ZFYVE9: variants seen among roughly 807,000 people sequenced by gnomAD.
ZFYVE9 encodes the protein zinc finger FYVE domain-containing protein 9.
In ZFYVE9, 43 loss-of-function variants were observed where a neutral mutation model predicts 126.7. The ratio of observed to expected loss-of-function variants is 0.34; its 90% CI spans 0.27 to 0.44. ZFYVE9 has a LOEUF of 0.44. ZFYVE9 is among the 20% of genes least tolerant of loss of function. ZFYVE9 has a pLI of 1.00. For missense variants in ZFYVE9, 1,476 were observed against 1,697.0 expected (o/e 0.87, Z 2.29); for synonymous variants, 521 against 597.4 (o/e 0.87, Z 1.87).
chr1:52,322,564 G>C (rs1646251479), intron 13 of ZFYVE9, among the ~76,000 whole-genome samples: 1 of 151,254 alleles, frequency 6.6e-6, no homozygotes, highest in South Asian at 2.1e-4. Flanking sequence ...TTTTAGTAGA[G>C]ACGGGGTTTC....
At position 52,239,096 on chromosome 1, in the gene ZFYVE9, A is replaced by C. The variant is rs751567594; in HGVS notation, c.1679A>C (p.Gln560Pro). The C allele has an allele frequency of 1.2e-6, 2 of 1,613,994 alleles. No individual in the cohort carries two copies. Among genetic ancestry groups the C allele is most frequent in the Admixed American group, 3.3e-5 (2 of 59,972 alleles). The change falls in exon 4 of 19, where the codon CAA (glutamine) becomes CCA (proline). Residue 560 changes from glutamine (Q) to proline (P), a missense_variant. Physicochemically the swap from Gln to Pro is moderately conservative, Grantham distance 76 (BLOSUM62 -1). Around this residue, in one of 2 missense-constraint regions of ZFYVE9, gnomAD observed 807 missense variants for 794.6 expected, o/e 1.02. Coordinates refer to ENST00000287727, the MANE Select transcript of ZFYVE9 (RefSeq NM_004799.4). ...AGTCAAGTTCCATCAGTGCTTGGGC[A>C]ATCTTCCCCCAAGGTAGTAGCAAGC... ...FCSQVPSVLGQSSPKVVASLP... is the reference protein window; with the variant it reads ...FCSQVPSVLGPSSPKVVASLP...
chr1:52,317,238 G>T (rs75024494), intron 13 of ZFYVE9, among the ~76,000 whole-genome samples: 4,210 of 152,170 alleles, frequency 0.028, 139 homozygotes, highest in African/African-American at 0.078. Context: ...AGAAAAAAAG[G>T]CCAGGTGCGG....
chr1:52,190,091 G>A (rs183691949), intron 1 of ZFYVE9: 4 of 176,862 alleles, frequency 2.3e-5, no homozygotes, highest in Non-Finnish European at 3.7e-5. Context: ...ATCATGTTCT[G>A]TACATGACTA....
intron 9 of ZFYVE9, among the ~76,000 whole-genome samples, chr1:52,280,363 G>A (rs918110422): frequency 1.0e-4 from 15 of 150,350 alleles, no homozygotes; most frequent in Admixed American, 6.6e-5. Context: ...CTGAATGACA[G>A]AGTGAGACCC....
At chr1:52,287,322 A>T (rs952417645) in intron 10 of ZFYVE9, among the ~76,000 whole-genome samples, 4 of 152,186 alleles carry the variant, frequency 2.6e-5, no homozygotes, top group Non-Finnish European at 4.4e-5. Context: ...CATGTTAGCC[A>T]GGCTGGTCTT....
chr1:52,205,335 A>G (rs1223242915), intron 1 of ZFYVE9, among the ~76,000 whole-genome samples: 1 of 151,762 alleles, frequency 6.6e-6, no homozygotes, highest in Non-Finnish European at 1.5e-5. Context: ...TCAGCTTCCC[A>G]GGGTGTTGGG....
chr1:52,201,695 A>T (rs1437715247), intron 1 of ZFYVE9, among the ~76,000 whole-genome samples: 2 of 151,610 alleles, frequency 1.3e-5, no homozygotes, highest in African/African-American at 4.9e-5. Context: ...TTATTTATTG[A>T]TGCATTCCGA....
chr1:52,289,174 A>G (rs550414564), intron 10 of ZFYVE9, among the ~76,000 whole-genome samples: 4 of 152,260 alleles, frequency 2.6e-5, no homozygotes, highest in African/African-American at 9.6e-5. Context: ...AAATTACTGT[A>G]TCTGTATATT....
At position 52,238,876 on chromosome 1, in the gene ZFYVE9, G is replaced by A; in HGVS notation, c.1459G>A (p.Gly487Ser). 6.2e-7 allele frequency: 1 copy of A among 1,614,018 alleles called. No individual in the cohort carries two copies. The highest frequency in any genetic ancestry group is 8.5e-7 in the Non-Finnish European group (1 of 1,179,962). Residue 487 changes from glycine to serine, a missense_variant, in exon 4 of 19, where the codon GGT becomes AGT. Around this residue, in one of 2 missense-constraint regions of ZFYVE9, gnomAD observed 807 missense variants for 794.6 expected, o/e 1.02. Coordinates refer to ENST00000287727, the MANE Select transcript of ZFYVE9 (RefSeq NM_004799.4). ...GCDSYGMQDPGVSFVPKTLPS... is the reference protein window; with the variant it reads ...GCDSYGMQDPSVSFVPKTLPS... ...TGATTCCTATGGAATGCAAGACCCA[G>A]GTGTTTCTTTTGTTCCAAAGACTTT...
At chr1:52,329,035 A>T (rs1007113303) in intron 13 of ZFYVE9, among the ~76,000 whole-genome samples, 2 of 152,226 alleles carry the variant, frequency 1.3e-5, no homozygotes, top group African/African-American at 4.8e-5. Context: ...CCTGAGAACT[A>T]CAAAACGTTG....
At chr1:52,233,328 G>C (rs571935040) in intron 3 of ZFYVE9, 52 bp downstream of exon 3, 1 of 1,332,860 alleles carries the variant, frequency 7.5e-7, no homozygotes, top group Admixed American at 2.1e-5. Context: ...AGAGAATGTG[G>C]GGATATAAGA....
rs9970823 is a variant in ZFYVE9 at position 52,329,722 on chromosome 1, G to A, written c.3439-3046G>A. Among the ~76,000 whole-genome samples the A allele has an allele frequency of 9.7e-3, 1,471 of 151,890 alleles. 22 individuals are homozygous for A. The highest frequency in any genetic ancestry group is 0.033 in the African/African-American group (1,373 of 41,404). ...AGATCGAGACCATCATGGTTAATAC[G>A]GTGAAATCCCGTCTCTACTAAAAAT... is the stretch of plus-strand genomic sequence containing the variant. On this transcript the variant is annotated intron_variant, in intron 13 of 18. Transcript: ENST00000287727.
intron 4 of ZFYVE9, among the ~76,000 whole-genome samples, chr1:52,249,581 G>A (rs751035080): frequency 1.3e-5 from 2 of 151,950 alleles, no homozygotes; most frequent in Non-Finnish European, 2.9e-5. Flanking sequence ...TCTTATTCTT[G>A]GGTTTTTCAT....
chr1:52,313,000 A>G (rs187084774), intron 13 of ZFYVE9, among the ~76,000 whole-genome samples: 201 of 152,316 alleles, frequency 1.3e-3, no homozygotes, highest in African/African-American at 4.4e-3. Flanking sequence ...GGAAATATGG[A>G]AACAGACACA....
intron 13 of ZFYVE9, among the ~76,000 whole-genome samples, chr1:52,304,469 G>A (rs184832179): frequency 6.6e-6 from 1 of 152,120 alleles, no homozygotes; most frequent in African/African-American, 2.4e-5. Flanking sequence ...CACCATGTTA[G>A]CCAGACTGGT....
chr1:52,219,728 A>G (rs527802699), intron 2 of ZFYVE9, among the ~76,000 whole-genome samples: 26 of 149,940 alleles, frequency 1.7e-4, no homozygotes, highest in Non-Finnish European at 3.4e-4. Context: ...CAGCCCATAG[A>G]GCATTTCAGG....
intron 1 of ZFYVE9, chr1:52,162,521 C>G (rs562352719): frequency 1.1e-5 from 3 of 262,750 alleles, no homozygotes; most frequent in Non-Finnish European, 2.3e-5. Context: ...CATCTATTCC[C>G]TAAAAATGCA....
chr1:52,261,739 C>T (rs1270224766), intron 4 of ZFYVE9, among the ~76,000 whole-genome samples: 2 of 152,138 alleles, frequency 1.3e-5, no homozygotes, highest in African/African-American at 4.8e-5. Flanking sequence ...ATCGTTTAGT[C>T]CTCAGATAAT....
intron 1 of ZFYVE9, among the ~76,000 whole-genome samples, chr1:52,191,374 C>T (rs1241493638): frequency 6.6e-6 from 1 of 152,196 alleles, no homozygotes; most frequent in African/African-American, 2.4e-5. Context: ...GAAAAGTTCT[C>T]TTTTCATTCT....
Sources: allele counts gnomAD v4.1 joint callset (sites outside exome capture counted in the v4.1 genomes callset), GRCh38; gene constraint gnomAD v4.1.1; regional missense constraint gnomAD v4.1.1; transcripts MANE v1.5; gene names NCBI Gene and HGNC (gene_info 2026-07-23, HGNC 2026-07-21).